CRLF3: variants seen among roughly 807,000 people sequenced by gnomAD.
The protein encoded by CRLF3 is cytokine receptor like factor 3, also known as cytokine receptor-like factor 3.
A neutral mutation model predicts 55.0 loss-of-function variants in CRLF3; 33 were observed. The ratio of observed to expected loss-of-function variants is 0.60; its 90% CI spans 0.46 to 0.80. CRLF3 has a LOEUF of 0.80. CRLF3 is among the 30% of genes least tolerant of loss of function. The pLI, the probability that CRLF3 is intolerant of heterozygous loss-of-function variation, is 0.00. For missense variants in CRLF3, 494 were observed against 538.4 expected, an observed-to-expected ratio of 0.92 and a Z score of 0.82; for synonymous variants, 238 against 196.8, an observed-to-expected ratio of 1.21 and a Z score of -1.75.
intron 1 of CRLF3, among the ~76,000 whole-genome samples, chr17:30,810,597 CT>C (rs1904582500): frequency 6.6e-6 from 1 of 151,898 alleles, no homozygotes; most frequent in African/African-American, 2.4e-5. Context: ...AAAAACAAAA[CT>C]TACAAAGTTT....
chr17:30,784,080 G>T lies in CRLF3; in HGVS notation c.*107C>A. On this transcript the variant is annotated 3_prime_UTR_variant, in exon 8 of 8. Coordinates refer to ENST00000324238, the MANE Select transcript of CRLF3 (RefSeq NM_015986.4). ...TGAATCCAGTAAACACTTTCCAATG[G>T]CCTAAGTTAGAGATGAATTCAACTT... is the stretch of plus-strand genomic sequence containing the variant. 1.0e-6 allele frequency: 1 copy of T among 971,696 alleles called. No homozygotes were observed. Among genetic ancestry groups the T allele is most frequent in the Non-Finnish European group, 1.5e-6 (1 of 652,052 alleles). 60.2% of individuals were successfully genotyped at this position (971,696 alleles called of 1,614,324 possible).
intron 1 of CRLF3, among the ~76,000 whole-genome samples, chr17:30,824,322 C>T (rs1241779038): frequency 6.6e-6 from 1 of 151,820 alleles, no homozygotes; most frequent in Non-Finnish European, 1.5e-5. Flanking sequence ...ACCCTCCCTC[C>T]ACCCCCAAAA....
chr17:30,803,011 T>TA (rs1033915391), intron 2 of CRLF3, among the ~76,000 whole-genome samples: 1 of 151,144 alleles, frequency 6.6e-6, no homozygotes, highest in Non-Finnish European at 1.5e-5. Context: ...CTAAAAATAC[T>TA]AAAAAATTAC....
chr17:30,812,475 C>G (rs1460667053), intron 1 of CRLF3, among the ~76,000 whole-genome samples: 1 of 152,058 alleles, frequency 6.6e-6, no homozygotes, highest in Admixed American at 6.6e-5. Context: ...CAGTCTGACT[C>G]AAGAATGGAC....
intron 1 of CRLF3, among the ~76,000 whole-genome samples, chr17:30,817,411 C>A (rs144749458): frequency 6.6e-6 from 1 of 150,510 alleles, no homozygotes; most frequent in East Asian, 2.0e-4. Flanking sequence ...GCACTCCAGT[C>A]TGGGTGACAA....
At chr17:30,814,792 G>C (rs571152327) in intron 1 of CRLF3, among the ~76,000 whole-genome samples, 1 of 151,946 alleles carries the variant, frequency 6.6e-6, no homozygotes, top group Non-Finnish European at 1.5e-5. Flanking sequence ...ACCTGAGGTC[G>C]GGAGTTTGAG....
At chr17:30,818,347 A>G (rs2142274920) in intron 1 of CRLF3, among the ~76,000 whole-genome samples, 1 of 152,302 alleles carries the variant, frequency 6.6e-6, no homozygotes, top group Non-Finnish European at 1.5e-5. Context: ...GACACTTTAA[A>G]TACTACTACT....
At chr17:30,815,234 C>G (rs1237683038) in intron 1 of CRLF3, among the ~76,000 whole-genome samples, 1 of 151,518 alleles carries the variant, frequency 6.6e-6, no homozygotes, top group African/African-American at 2.4e-5. Context: ...TACAAGCACC[C>G]ACCACCAAGC....
chr17:30,813,662 T>TA (rs1904693020), intron 1 of CRLF3, among the ~76,000 whole-genome samples: 1 of 152,132 alleles, frequency 6.6e-6, no homozygotes, highest in Non-Finnish European at 1.5e-5. Context: ...TGCAGGTTTG[T>TA]TACATATGTA....
At chr17:30,785,854 C>A in intron 7 of CRLF3, 65 bp downstream of exon 7, 2 of 851,132 alleles carry the variant, frequency 2.3e-6, no homozygotes, top group Non-Finnish European at 1.9e-6. Flanking sequence ...GGAACTGGAA[C>A]AGATTCACAT....
rs935926858 is a variant in CRLF3 at position 30,802,223 on chromosome 17, A to G, written c.337+1678T>C. ...CTGCAACCTCCGCCTCCCGGGTTCA[A>G]GCAATTCTCCTGCCTCAGCCTCCCG... On this transcript the variant is annotated intron_variant, in intron 2 of 7. Coordinates refer to ENST00000324238, the MANE Select transcript of CRLF3 (RefSeq NM_015986.4). Among the ~76,000 whole-genome samples, 8 of 151,132 alleles carry G rather than the reference A, an allele frequency of 5.3e-5. No homozygotes were observed. The East Asian group carries it at 1.6e-3, about 30-fold the overall frequency.
intron 6 of CRLF3, among the ~76,000 whole-genome samples, chr17:30,787,940 C>T (rs373551019): frequency 6.6e-6 from 1 of 151,722 alleles, no homozygotes; most frequent in African/African-American, 2.4e-5. Context: ...ATGGCGATTG[C>T]AGTGAGCTGA....
Position 30,807,823 on chromosome 17 carries a change from T to C in CRLF3, c.130-3715A>G, listed in dbSNP as rs370667575. ...AGGCGTGAGCCACCTCATCCAGCCC[T>C]TTTCTCTCCATTTGACATTAACGCA... is the stretch of plus-strand genomic sequence containing the variant. On this transcript the variant is annotated intron_variant, in intron 1 of 7. Coordinates refer to ENST00000324238, the MANE Select transcript of CRLF3 (RefSeq NM_015986.4). 2.5e-4 allele frequency among the ~76,000 whole-genome samples: 38 copies of C among 152,254 alleles called. 1 individual carries two copies. The East Asian group carries it at 5.4e-3, about 22-fold the overall frequency.
chr17:30,805,713 CAA>C (rs58852260), intron 1 of CRLF3, among the ~76,000 whole-genome samples: 14 of 70,938 alleles, frequency 2.0e-4, no homozygotes, highest in Non-Finnish European at 2.1e-4. Flanking sequence ...GACTCCGTCT[CAA>C]AAAAAAAAAA....
chr17:30,796,201 GT>G lies in CRLF3; in HGVS notation c.561del (p.Glu187AspfsTer2). 6.2e-7 allele frequency: 1 copy of G among 1,613,562 alleles called. No individual in the cohort carries two copies. Among genetic ancestry groups the G allele is most frequent in the Non-Finnish European group, 8.5e-7 (1 of 1,179,688 alleles). ...VASRPPVQIE[E>X]LIEKPGGIIV... The stretch of plus-strand genomic sequence containing the variant: ...ATGATGCCTCCAGGTTTCTCTATTA[GT>G]TCTTCTATCTGTACTGGTGGGCGAG... On this transcript the variant is annotated frameshift_variant, in exon 4 of 8. Coordinates refer to ENST00000324238, the MANE Select transcript of CRLF3 (RefSeq NM_015986.4). LOFTEE classifies it high-confidence loss of function.
chr17:30,787,691 G>A (rs2142242140), intron 6 of CRLF3: 1 of 152,264 alleles, frequency 6.6e-6, no homozygotes, highest in African/African-American at 2.4e-5. Flanking sequence ...TCATATCTGA[G>A]CAGTCTAAAG....
chr17:30,787,023 C>G (rs767470177), intron 6 of CRLF3, among the ~76,000 whole-genome samples: 7 of 152,082 alleles, frequency 4.6e-5, no homozygotes, highest in Non-Finnish European at 1.5e-5. Context: ...GTAGTAGAGA[C>G]ACGGTTTCAC....
At chr17:30,818,239 G>T (rs1041038804) in intron 1 of CRLF3, among the ~76,000 whole-genome samples, 1 of 151,584 alleles carries the variant, frequency 6.6e-6, no homozygotes, top group Non-Finnish European at 1.5e-5. Context: ...CAGCCTGGGC[G>T]ACAAGAGCGA....
At chr17:30,818,248 G>A (rs892483108) in intron 1 of CRLF3, among the ~76,000 whole-genome samples, 30 of 151,396 alleles carry the variant, frequency 2.0e-4, no homozygotes, top group African/African-American at 7.0e-4. Context: ...CGACAAGAGC[G>A]AAACTTCATT....
Sources: allele counts gnomAD v4.1 joint callset (sites outside exome capture counted in the v4.1 genomes callset), GRCh38; gene constraint gnomAD v4.1.1; transcripts MANE v1.5; gene names NCBI Gene and HGNC (gene_info 2026-07-23, HGNC 2026-07-21).